The following PTPRM variants were observed in gnomAD, a reference collection of about 807,000 sequenced individuals.
PTPRM encodes receptor-type tyrosine-protein phosphatase mu.
PTPRM carries 47 observed loss-of-function variants against 186.7 expected under a neutral mutation model. The observed-to-expected ratio is 0.25, with a 90% confidence interval of 0.20 to 0.32. The LOEUF is 0.32. Among genes scored for constraint, PTPRM ranks in the 10% least tolerant of loss-of-function variants. The pLI is 1.00. For synonymous variants in PTPRM, 668 were observed against 674.9 expected (o/e 0.99, Z 0.16); for missense variants, 1,494 against 1,865.0 (o/e 0.80, Z 3.66).
At chr18:8,150,967 C>G (rs967067839) in intron 14 of PTPRM, among the ~76,000 whole-genome samples, 1 of 152,112 alleles carries the variant, frequency 6.6e-6, no homozygotes, top group African/African-American at 2.4e-5. Context: ...AGACAGCAGA[C>G]CAGCAAAGAT....
At chr18:7,829,496 C>A (rs1390559117) in intron 2 of PTPRM, among the ~76,000 whole-genome samples, 1 of 152,034 alleles carries the variant, frequency 6.6e-6, no homozygotes, top group African/African-American at 2.4e-5. Flanking sequence ...GTGAGATATC[C>A]TTTCAAAAAT....
At chr18:8,330,618 G>A (rs1239438108) in intron 22 of PTPRM, among the ~76,000 whole-genome samples, 2 of 151,060 alleles carry the variant, frequency 1.3e-5, no homozygotes, top group East Asian at 2.0e-4. Flanking sequence ...CAGATCCTTT[G>A]GGTCACCAAA....
At position 7,949,370 on chromosome 18, in the gene PTPRM, T is replaced by G. The variant is rs772329032; in HGVS notation, c.838+15T>G. The G allele has an allele frequency of 4.4e-6, 7 of 1,592,404 alleles. No homozygotes were observed. The highest frequency in any genetic ancestry group is 5.2e-6 in the Non-Finnish European group (6 of 1,163,702). On this transcript the variant is annotated intron_variant, in intron 6 of 32. Transcript: ENST00000580170. Reference sequence around the variant, plus strand: ...GGTAGTTAAAGGTATTTAATGTGTTTTTATACCAGAATATTCTTCTAAAGT... The same window carrying G: ...GGTAGTTAAAGGTATTTAATGTGTTGTTATACCAGAATATTCTTCTAAAGT...
chr18:8,216,923 T>C (rs900085730), intron 14 of PTPRM, among the ~76,000 whole-genome samples: 1 of 152,146 alleles, frequency 6.6e-6, no homozygotes, highest in African/African-American at 2.4e-5. Context: ...TGAAGGAGGG[T>C]TTTTGCATAT....
chr18:7,675,637 C>T (rs1326223508), intron 1 of PTPRM, among the ~76,000 whole-genome samples: 3 of 152,164 alleles, frequency 2.0e-5, no homozygotes, highest in Admixed American at 6.5e-5. Flanking sequence ...CTGGTTTACT[C>T]TGCATCTCAC....
intron 2 of PTPRM, among the ~76,000 whole-genome samples, chr18:7,838,510 C>T (rs1205696354): frequency 6.6e-6 from 1 of 152,208 alleles, no homozygotes; most frequent in Non-Finnish European, 1.5e-5. Context: ...TAATTTATCT[C>T]CCAAAAAACA....
Position 8,302,435 on chromosome 18 carries a change from G to A in PTPRM, c.2842+5980G>A, listed in dbSNP as rs1724477747. ...GAAGCCAGACCTACAGAGCCTTCTG[G>A]GGCAGGTTGAGGACTTTTGTCTTTA... is the stretch of plus-strand genomic sequence containing the variant. On this transcript the variant is annotated intron_variant, in intron 20 of 32. Coordinates refer to ENST00000580170, the MANE Select transcript of PTPRM (RefSeq NM_001105244.2). Among the ~76,000 whole-genome samples the A allele has an allele frequency of 2.0e-5, 3 of 152,090 alleles. No homozygotes were observed. The South Asian group carries it at 6.2e-4, about 32-fold the overall frequency.
chr18:7,656,039 G>A (rs887393767), intron 1 of PTPRM, among the ~76,000 whole-genome samples: 5 of 152,106 alleles, frequency 3.3e-5, no homozygotes, highest in Non-Finnish European at 7.4e-5. Flanking sequence ...ACTAAAAAGA[G>A]AATGATCCAA....
intron 23 of PTPRM, among the ~76,000 whole-genome samples, chr18:8,368,846 A>G (rs1432818759): frequency 2.0e-5 from 3 of 152,252 alleles, no homozygotes; most frequent in Non-Finnish European, 4.4e-5. Context: ...CACAGCGATC[A>G]GGTGTTGCAG....
intron 29 of PTPRM, 82 bp from the exon 30 acceptor site, chr18:8,384,475 CTGAG>C: frequency 1.4e-6 from 2 of 1,459,294 alleles, no homozygotes; most frequent in Non-Finnish European, 1.9e-6. Context: ...AAAAGGATTA[CTGAG>C]TGTCAATACT....
chr18:7,671,179 C>T (rs928121543), intron 1 of PTPRM, among the ~76,000 whole-genome samples: 1 of 152,128 alleles, frequency 6.6e-6, no homozygotes, highest in African/African-American at 2.4e-5. Context: ...TCATTCCCCA[C>T]CCCCGATTCA....
chr18:7,759,258 A>C (rs1044707913), intron 1 of PTPRM, among the ~76,000 whole-genome samples: 33 of 152,248 alleles, frequency 2.2e-4, no homozygotes, highest in African/African-American at 7.7e-4. Flanking sequence ...GTAAGTGTCC[A>C]ATATGGCCAA....
chr18:8,049,722 T>C (rs2087333816), intron 7 of PTPRM, among the ~76,000 whole-genome samples: 1 of 151,254 alleles, frequency 6.6e-6, no homozygotes, highest in African/African-American at 2.4e-5. Context: ...TTTTTTTTTT[T>C]CTTTTTTGAG....
intron 2 of PTPRM, among the ~76,000 whole-genome samples, chr18:7,851,385 A>G (rs532159632): frequency 1.3e-5 from 2 of 152,242 alleles, no homozygotes; most frequent in African/African-American, 4.8e-5. Flanking sequence ...AACACAAAGA[A>G]AACTTATATA....
chr18:8,180,600 A>AGT (rs528623283), intron 14 of PTPRM, among the ~76,000 whole-genome samples: 59 of 152,288 alleles, frequency 3.9e-4, no homozygotes, highest in African/African-American at 1.1e-3. Context: ...TCGAATGCGC[A>AGT]GTGGCCTGCC....
chr18:8,120,859 A>G (rs1321166913), intron 13 of PTPRM, among the ~76,000 whole-genome samples: 1 of 152,156 alleles, frequency 6.6e-6, no homozygotes, highest in Non-Finnish European at 1.5e-5. Flanking sequence ...ACTCTCCTAC[A>G]GATAATGCGG....
At chr18:7,931,309 C>T (rs187501145) in intron 5 of PTPRM, among the ~76,000 whole-genome samples, 1 of 151,924 alleles carries the variant, frequency 6.6e-6, no homozygotes, top group African/African-American at 2.4e-5. Flanking sequence ...AGTCTGTATA[C>T]ATATACTGTG....
intron 2 of PTPRM, among the ~76,000 whole-genome samples, chr18:7,812,047 C>T (rs948488696): frequency 6.6e-6 from 1 of 152,098 alleles, no homozygotes. Flanking sequence ...TGCACTGATT[C>T]TTAATCAAGA....
At chr18:8,118,328 GGGGTTTTTTT>G (rs989199988) in intron 13 of PTPRM, among the ~76,000 whole-genome samples, 2 of 152,044 alleles carry the variant, frequency 1.3e-5, no homozygotes, top group African/African-American at 4.8e-5. Context: ...AAAGTGCTTT[GGGGTTTTTTT>G]GGGTTTTGAT....
Sources: gnomAD v4.1 joint callset for allele counts (sites outside exome capture counted in the v4.1 genomes callset) on GRCh38, gnomAD v4.1.1 for gene constraint, MANE v1.5 for transcripts, NCBI Gene and HGNC (gene_info 2026-07-23, HGNC 2026-07-21) for gene names.